The following DPYSL5 variants were observed in gnomAD, a reference collection of about 807,000 sequenced individuals.
DPYSL5 encodes dihydropyrimidinase-related protein 5.
DPYSL5 carries 9 observed loss-of-function variants against 58.4 expected under a neutral mutation model. The ratio of observed to expected loss-of-function variants is 0.15; its 90% CI spans 0.09 to 0.27. The LOEUF (loss-of-function observed/expected upper bound fraction) is 0.27. DPYSL5 is among the 10% of genes least tolerant of loss of function. The probability of loss-of-function intolerance (pLI) is 1.00; values close to 1 mark genes in which losing one functional copy is unlikely to be tolerated. For synonymous variants in DPYSL5, 293 were observed against 301.9 expected (o/e 0.97, Z 0.31); for missense variants, 499 against 770.6 (o/e 0.65, Z 4.17).
At chr2:26,945,288 G>GCCTCAC (rs1665442444) in intron 12 of DPYSL5, among the ~76,000 whole-genome samples, 1 of 140,864 alleles carries the variant, frequency 7.1e-6, no homozygotes, top group Non-Finnish European at 1.5e-5. Context: ...CCCCGCCTTT[G>GCCTCAC]CCTCACCTTC....
chr2:26,939,839 T>C (rs1665271122), intron 8 of DPYSL5, 192 bp from the exon 9 acceptor site: 5 of 635,478 alleles, frequency 7.9e-6, no homozygotes, highest in East Asian at 2.8e-5. Context: ...CCACACTCAT[T>C]CTGTAGATGA....
chr2:26,856,967 G>A (rs1467184472), intron 1 of DPYSL5, among the ~76,000 whole-genome samples: 2 of 143,894 alleles, frequency 1.4e-5, no homozygotes, highest in African/African-American at 2.8e-5. Flanking sequence ...TAGTTTTCAA[G>A]AATTGTCCAC....
chr2:26,848,939 G>A (rs1665669196), intron 1 of DPYSL5, among the ~76,000 whole-genome samples: 1 of 152,210 alleles, frequency 6.6e-6, no homozygotes, highest in African/African-American at 2.4e-5. Flanking sequence ...CCGCCTTGCA[G>A]CATCGATCTC....
At position 26,950,248 on chromosome 2, in the gene DPYSL5, AC is replaced by A. The variant is rs1177135739; in HGVS notation, c.*3254del. 6.6e-6 allele frequency: 1 copy of A among 152,160 alleles called. No individual in the cohort carries two copies. The highest frequency in any genetic ancestry group is 1.5e-5 in the Non-Finnish European group (1 of 68,040). 9.4% of individuals were successfully genotyped at this position (152,160 alleles called of 1,614,324 possible). On this transcript the variant is annotated 3_prime_UTR_variant, in exon 13 of 13. Transcript: ENST00000288699. This position sits in a 1 kb window ranked among gnomAD's most constrained non-coding sequence, Gnocchi z 5.3. ...GTGCTAAGACTGTGTCAACCCCAAG[AC>A]GACACATGGTCCTGTGCTTTGGCCA...
intron 2 of DPYSL5, among the ~76,000 whole-genome samples, chr2:26,916,061 T>C (rs1169560319): frequency 6.6e-6 from 1 of 152,076 alleles, no homozygotes; most frequent in African/African-American, 2.4e-5. Flanking sequence ...TGTCTAAAAA[T>C]TCCCTTCCCC....
rs1285275606 is a variant in DPYSL5, at chr2:26,949,845, A to T, written c.*2850A>T. ...CAGAGCTCCAGCCAGCTTCGTCACC[A>T]GCCCCACTGGCTCCTGGTTGGAACG... On this transcript the variant is annotated 3_prime_UTR_variant, in exon 13 of 13. Coordinates refer to ENST00000288699, the MANE Select transcript of DPYSL5 (RefSeq NM_020134.4). 6.6e-6 allele frequency: 1 copy of T among 152,504 alleles called. No homozygotes were observed. The highest frequency in any genetic ancestry group is 2.4e-5 in the African/African-American group (1 of 41,466). The allele number at this position is 152,504 out of a possible 1,614,324, so 9.4% of individuals were successfully genotyped here. A position where few individuals can be genotyped will look rare whatever the true frequency, so the allele number is the denominator to read the frequency against.
intron 8 of DPYSL5, among the ~76,000 whole-genome samples, chr2:26,937,249 A>T (rs896966292): frequency 3.3e-5 from 5 of 152,128 alleles, no homozygotes; most frequent in Non-Finnish European, 7.4e-5. Context: ...ATGTATTTTA[A>T]TTATTTAAAT....
intron 2 of DPYSL5, among the ~76,000 whole-genome samples, chr2:26,913,177 G>C (rs926299566): frequency 2.6e-5 from 4 of 152,138 alleles, no homozygotes; most frequent in African/African-American, 9.7e-5. Context: ...CATCACCACT[G>C]CCCACCTCCA....
At chr2:26,931,867 G>T (rs1482224479) in intron 6 of DPYSL5, among the ~76,000 whole-genome samples, 183 bp downstream of exon 6, 1 of 151,422 alleles carries the variant, frequency 6.6e-6, no homozygotes, top group African/African-American at 2.4e-5. Context: ...AATTAGCTGG[G>T]CGTGGTGGCG....
At chr2:26,928,739 ACG>A (rs569044727) in intron 5 of DPYSL5, among the ~76,000 whole-genome samples, 20,679 of 57,208 alleles carry the variant, frequency 0.36, 6,140 homozygotes, top group East Asian at 0.47. Context: ...ACGCACACAC[ACG>A]CACACACATA....
At position 26,942,524 on chromosome 2, in the gene DPYSL5, G is replaced by T; in HGVS notation, c.1233-19G>T. 3 of 1,609,736 alleles carry T rather than the reference G, an allele frequency of 1.9e-6. No homozygotes were observed. The highest frequency in any genetic ancestry group is 2.2e-5 in the East Asian group (1 of 44,768). On this transcript the variant is annotated intron_variant, in intron 10 of 12. Coordinates refer to ENST00000288699, the MANE Select transcript of DPYSL5 (RefSeq NM_020134.4). This position sits in a 1 kb window ranked among gnomAD's most constrained non-coding sequence, Gnocchi z 5.9. ...ACCTGTCCTCAGCGCTTTCTCTCCC[G>T]CCATTGCCTCCCCACCAGGACCATC...
intron 8 of DPYSL5, among the ~76,000 whole-genome samples, chr2:26,936,444 A>G (rs780217347): frequency 2.6e-5 from 4 of 152,140 alleles, no homozygotes; most frequent in African/African-American, 7.2e-5. Flanking sequence ...AGCCAATGCG[A>G]GTGGAGTGCC....
At position 26,942,572 on chromosome 2, in the gene DPYSL5, G is replaced by A. The variant is rs1467885011; in HGVS notation, c.1262G>A (p.Gly421Glu). 1 of 1,614,016 alleles carries A rather than the reference G, an allele frequency of 6.2e-7. No individual in the cohort carries two copies. The highest frequency in any genetic ancestry group is 8.5e-7 in the Non-Finnish European group (1 of 1,180,044). ...KTISASTQVQGGDFNLYENMR... is the reference protein window; with the variant it reads ...KTISASTQVQEGDFNLYENMR... ...ATCTCAGCCAGCACGCAGGTCCAGGGAGGAGACTTCAACCTGTATGAGAAC... is the reference window on the plus strand; with the variant it reads ...ATCTCAGCCAGCACGCAGGTCCAGGAAGGAGACTTCAACCTGTATGAGAAC... Residue 421 changes from glycine (G) to glutamate (E), a missense_variant, in exon 11 of 13, where the codon GGA (glycine) becomes GAA (glutamate). Coordinates refer to ENST00000288699, the MANE Select transcript of DPYSL5 (RefSeq NM_020134.4). The surrounding 1 kb of genome is among the most constrained non-coding windows in gnomAD (Gnocchi z 5.9).
At chr2:26,878,815 C>T (rs1663479178) in intron 1 of DPYSL5, among the ~76,000 whole-genome samples, 1 of 152,244 alleles carries the variant, frequency 6.6e-6, no homozygotes, top group South Asian at 2.1e-4. Context: ...GTGCACCAAG[C>T]TAGCTTGCGC....
At chr2:26,857,465 G>A (rs1448970461) in intron 1 of DPYSL5, among the ~76,000 whole-genome samples, 3 of 151,962 alleles carry the variant, frequency 2.0e-5, no homozygotes, top group Non-Finnish European at 2.9e-5. Flanking sequence ...GCTTGAACCC[G>A]GGAGGTGGAG....
At chr2:26,915,194 C>A (rs1426901421) in intron 2 of DPYSL5, among the ~76,000 whole-genome samples, 1 of 152,092 alleles carries the variant, frequency 6.6e-6, no homozygotes, top group Non-Finnish European at 1.5e-5. Context: ...TAACACGCTC[C>A]GTGTCCTCCA....
intron 1 of DPYSL5, among the ~76,000 whole-genome samples, chr2:26,876,112 T>C (rs1366740680): frequency 6.6e-6 from 1 of 152,202 alleles, no homozygotes; most frequent in Non-Finnish European, 1.5e-5. Flanking sequence ...CCCCAAATAA[T>C]CATTTGCTTC....
At chr2:26,884,627 C>G (rs1041047566) in intron 1 of DPYSL5, among the ~76,000 whole-genome samples, 3 of 152,084 alleles carry the variant, frequency 2.0e-5, no homozygotes, top group African/African-American at 7.2e-5. Context: ...AACAAGTGGT[C>G]AGCAGCTCCC....
At position 26,898,303 on chromosome 2, in the gene DPYSL5, T is replaced by C. The variant is rs112634481; in HGVS notation, c.-4-193T>C. On this transcript the variant is annotated intron_variant, in intron 1 of 12. Coordinates refer to ENST00000288699, the MANE Select transcript of DPYSL5 (RefSeq NM_020134.4). This position sits in a 1 kb window ranked among gnomAD's most constrained non-coding sequence, Gnocchi z 6.1. ...GCCCCAGCTTCTCCCTTACTGCAGC[T>C]GTGTCCTGATTCCTAATAAGTCCCT... is the stretch of plus-strand genomic sequence containing the variant. Among the ~76,000 whole-genome samples, 727 of 152,280 alleles carry C rather than the reference T, an allele frequency of 4.8e-3. 6 individuals carry two copies. Among genetic ancestry groups the C allele is most frequent in the African/African-American group, 0.017 (701 of 41,560 alleles).
Sources: gnomAD v4.1 joint callset for allele counts (sites outside exome capture counted in the v4.1 genomes callset) on GRCh38, gnomAD v4.1.1 for gene constraint, Gnocchi (gnomAD v3.1) non-coding constraint, MANE v1.5 for transcripts, NCBI Gene and HGNC (gene_info 2026-07-23, HGNC 2026-07-21) for gene names.